STRN: variants seen among roughly 807,000 people sequenced by gnomAD.
STRN encodes striatin, also known as protein phosphatase 2 regulatory subunit B'''alpha.
A neutral mutation model predicts 96.3 loss-of-function variants in STRN; 53 were observed. The ratio of observed to expected loss-of-function variants is 0.55; its 90% confidence interval spans 0.44 to 0.69. STRN has a LOEUF of 0.69. Ranked by LOEUF, STRN falls within the 30% of genes least tolerant of loss-of-function variation. The probability of loss-of-function intolerance (pLI) is 0.00; values close to 1 mark genes in which losing one functional copy is unlikely to be tolerated. For missense variants in STRN, 987 were observed against 963.9 expected (o/e 1.02, Z -0.32); for synonymous variants, 428 against 355.9 (o/e 1.20, Z -2.28).
At chr2:36,871,903 T>C (rs1422564643) in intron 10 of STRN, among the ~76,000 whole-genome samples, 1 of 152,100 alleles carries the variant, frequency 6.6e-6, no homozygotes, top group African/African-American at 2.4e-5. Flanking sequence ...GGATAGAACA[T>C]GTCAAATTAG....
At chr2:36,902,267 G>A (rs1669705109) in intron 5 of STRN, among the ~76,000 whole-genome samples, 1 of 152,130 alleles carries the variant, frequency 6.6e-6, no homozygotes. Flanking sequence ...CACCAATCAT[G>A]AAACGTCATT....
intron 6 of STRN, 38 bp from the exon 7 acceptor site, chr2:36,894,071 GTTTC>G: frequency 6.3e-7 from 1 of 1,591,226 alleles, no homozygotes; most frequent in East Asian, 2.3e-5. Flanking sequence ...AAAGGAGATA[GTTTC>G]CCTTTACCAC....
intron 3 of STRN, among the ~76,000 whole-genome samples, chr2:36,913,830 G>A (rs771672610): frequency 3.0e-4 from 45 of 152,224 alleles, no homozygotes; most frequent in Non-Finnish European, 5.0e-4. Flanking sequence ...TATTCCCAGA[G>A]TATTTCCTAG....
At chr2:36,894,653 G>T (rs1669491648) in intron 6 of STRN, among the ~76,000 whole-genome samples, 1 of 152,150 alleles carries the variant, frequency 6.6e-6, no homozygotes, top group South Asian at 2.1e-4. Flanking sequence ...CATTTTCTTT[G>T]AATAAGATTT....
At chr2:36,891,012 T>C (rs1229756974) in intron 7 of STRN, among the ~76,000 whole-genome samples, 1 of 152,098 alleles carries the variant, frequency 6.6e-6, no homozygotes, top group Non-Finnish European at 1.5e-5. Context: ...TCAAATTATT[T>C]TGGATTTTGG....
intron 13 of STRN, among the ~76,000 whole-genome samples, chr2:36,859,293 CAAAA>C (rs766609790): frequency 5.7e-4 from 86 of 152,114 alleles, no homozygotes; most frequent in Admixed American, 9.8e-4. Context: ...TTTCAGCAGA[CAAAA>C]AGAGTGACAA....
intron 9 of STRN, among the ~76,000 whole-genome samples, chr2:36,882,155 T>A (rs1053968290): frequency 7.9e-5 from 12 of 152,054 alleles, no homozygotes; most frequent in Non-Finnish European, 1.8e-4. Context: ...CTAAATCATA[T>A]CAGTTTATGT....
chr2:36,920,085 GAATT>G (rs4015983), intron 2 of STRN, among the ~76,000 whole-genome samples: 75,557 of 151,540 alleles, frequency 0.5, 19,046 homozygotes, highest in East Asian at 0.66. Flanking sequence ...CAGCTGAAAT[GAATT>G]ACAAGGTATC....
rs1351184774 is a variant in STRN, at chr2:36,966,517, G to C, written c.-54C>G. ...CCGGCGCCCAGCAGCGGAGGCAACAGCGGCGGCAAGCAGCGCCTCCTCCTC... is the reference window on the plus strand; with the variant it reads ...CCGGCGCCCAGCAGCGGAGGCAACACCGGCGGCAAGCAGCGCCTCCTCCTC... On this transcript the variant is annotated 5_prime_UTR_variant, in exon 1 of 18. Transcript: ENST00000263918. 6.9e-6 allele frequency: 9 copies of C among 1,310,680 alleles called. No homozygotes were observed. The highest frequency in any genetic ancestry group is 8.9e-6 in the Non-Finnish European group (9 of 1,012,062). 81.2% of individuals were successfully genotyped at this position (1,310,680 alleles called of 1,614,324 possible). A position where few individuals can be genotyped will look rare whatever the true frequency, so the allele number is the denominator to read the frequency against.
intron 2 of STRN, among the ~76,000 whole-genome samples, chr2:36,922,540 A>AAT (rs1553402157): frequency 1.5e-4 from 22 of 150,858 alleles, no homozygotes; most frequent in Admixed American, 5.9e-4. Context: ...AAAAAAAAAA[A>AAT]ATTAAACCTC....
At chr2:36,861,036 T>G (rs1668466366) in intron 13 of STRN, 96 bp downstream of exon 13, 1 of 1,441,468 alleles carries the variant, frequency 6.9e-7, no homozygotes, top group Non-Finnish European at 9.3e-7. Context: ...ACCTATTTAT[T>G]TTCAAAAATC....
intron 1 of STRN, among the ~76,000 whole-genome samples, chr2:36,943,601 A>C (rs1034337166): frequency 6.6e-6 from 1 of 151,578 alleles, no homozygotes; most frequent in South Asian, 2.1e-4. Context: ...TCAGGAGATC[A>C]AGACCATCCC....
chr2:36,942,273 T>C (rs969911994), intron 1 of STRN, among the ~76,000 whole-genome samples: 3 of 152,134 alleles, frequency 2.0e-5, no homozygotes, highest in Admixed American at 2.0e-4. Context: ...GGATGGCAGA[T>C]GAGAAAGAAA....
chr2:36,895,325 T>TAA (rs763314498), intron 6 of STRN, among the ~76,000 whole-genome samples: 8 of 134,422 alleles, frequency 6.0e-5, no homozygotes, highest in East Asian at 4.2e-4. Context: ...AGACTCCGTC[T>TAA]AAAAAAAAAA....
chr2:36,937,950 T>G (rs1259067128), intron 1 of STRN, among the ~76,000 whole-genome samples: 7 of 151,910 alleles, frequency 4.6e-5, no homozygotes, highest in African/African-American at 1.5e-4. Flanking sequence ...CAAAGAAACA[T>G]GAAACTAAGT....
At chr2:36,856,192 C>G (rs1339603153) in intron 14 of STRN, among the ~76,000 whole-genome samples, 1 of 152,196 alleles carries the variant, frequency 6.6e-6, no homozygotes, top group Non-Finnish European at 1.5e-5. Flanking sequence ...TGCAGAGCAA[C>G]TGGAATGCTC....
chr2:36,918,363 T>G (rs1488212392), intron 2 of STRN, among the ~76,000 whole-genome samples: 1 of 152,018 alleles, frequency 6.6e-6, no homozygotes, highest in Non-Finnish European at 1.5e-5. Context: ...CTGCTAGAAG[T>G]CAAAATAGCA....
chr2:36,922,340 G>A (rs538921424), intron 2 of STRN, among the ~76,000 whole-genome samples: 2 of 151,986 alleles, frequency 1.3e-5, no homozygotes, highest in African/African-American at 4.8e-5. Flanking sequence ...GGAACAGGGC[G>A]AGACCCTGTC....
Position 36,893,985 on chromosome 2 carries a change from T to C in STRN, c.844A>G (p.Lys282Glu), listed in dbSNP as rs1228639340. Residue 282 changes from lysine to glutamate, a missense_variant, in exon 7 of 18, where the codon AAA (lysine) becomes GAA (glutamate). Physicochemically the swap from Lys to Glu is moderately conservative, Grantham distance 56. Coordinates refer to ENST00000263918, the MANE Select transcript of STRN (RefSeq NM_003162.4). ...LPDSGEDRDT[K>E]EALKEFDFLV... ...AAGTCAAACTCCTTTAGAGCTTCTT[T>C]TGTATCTCGATCTTCACCGCTGTCA... 1 of 1,613,560 alleles carries C rather than the reference T, an allele frequency of 6.2e-7. No individual in the cohort carries two copies. The highest frequency in any genetic ancestry group is 8.5e-7 in the Non-Finnish European group (1 of 1,179,884).
Sources: gnomAD v4.1 joint callset for allele counts (sites outside exome capture counted in the v4.1 genomes callset) on GRCh38, gnomAD v4.1.1 for gene constraint, MANE v1.5 for transcripts, NCBI Gene and HGNC (gene_info 2026-07-23, HGNC 2026-07-21) for gene names.